CPSF2: variants seen among roughly 807,000 people sequenced by gnomAD.
CPSF2 encodes cleavage and polyadenylation specificity factor subunit 2.
A neutral mutation model predicts 84.2 loss-of-function variants in CPSF2; 51 were observed. That is an observed-to-expected ratio of 0.61 (90% CI 0.48 to 0.77). The LOEUF (loss-of-function observed/expected upper bound fraction) is 0.77. Ranked by LOEUF, CPSF2 falls within the 30% of genes least tolerant of loss-of-function variation. The pLI is 0.00. For synonymous variants in CPSF2, 286 were observed against 311.9 expected, an observed-to-expected ratio of 0.92 and a Z score of 0.87; for missense variants, 641 against 929.4, an observed-to-expected ratio of 0.69 and a Z score of 4.03.
chr14:92,135,888 G>C (rs926945737), intron 6 of CPSF2, among the ~76,000 whole-genome samples: 1 of 152,146 alleles, frequency 6.6e-6, no homozygotes, highest in Admixed American at 6.6e-5. Flanking sequence ...TCATCTTATA[G>C]CTCCCATAAT....
At position 92,164,291 on chromosome 14, in the gene CPSF2, A is replaced by G. The variant is rs2069415692; in HGVS notation, c.*2547A>G. On this transcript the variant is annotated 3_prime_UTR_variant, in exon 16 of 16. Coordinates refer to ENST00000298875, the MANE Select transcript of CPSF2 (RefSeq NM_017437.3). ...ATTGTTTCTTGCCTCACCTTGTCCTATGAACAGGAATTAAATTTTAAAGTA... is the reference window on the plus strand; with the variant it reads ...ATTGTTTCTTGCCTCACCTTGTCCTGTGAACAGGAATTAAATTTTAAAGTA... 1 of 152,236 alleles carries G rather than the reference A, an allele frequency of 6.6e-6. No individual in the cohort carries two copies. The highest frequency in any genetic ancestry group is 1.5e-5 in the Non-Finnish European group (1 of 68,040). The allele number at this position is 152,236 out of a possible 1,614,324, so 9.4% of individuals were successfully genotyped here.
At chr14:92,142,432 G>T in intron 8 of CPSF2, 81 bp downstream of exon 8, 1 of 1,106,488 alleles carries the variant, frequency 9.0e-7, no homozygotes, top group Non-Finnish European at 1.3e-6. Context: ...ATGTTTTTTG[G>T]ATTTTATTTT....
intron 7 of CPSF2, among the ~76,000 whole-genome samples, chr14:92,139,637 G>C (rs1298971077): frequency 6.8e-6 from 1 of 147,194 alleles, no homozygotes; most frequent in African/African-American, 2.5e-5. Context: ...TTCCCGGGTT[G>C]AAGTGATTCT....
rs1468544825 is a variant in CPSF2, at chr14:92,165,139, T to G, written c.*3395T>G. 6.6e-6 allele frequency: 1 copy of G among 152,242 alleles called. No individual in the cohort carries two copies. The highest frequency in any genetic ancestry group is 2.4e-5 in the African/African-American group (1 of 41,462). 9.4% of individuals were successfully genotyped at this position (152,242 alleles called of 1,614,324 possible). On this transcript the variant is annotated 3_prime_UTR_variant, in exon 16 of 16. Transcript: ENST00000298875. ...TGTGACTGAATATTATTCCACCGAA[T>G]GGATATACCACATTTTACTTATCCA...
intron 9 of CPSF2, among the ~76,000 whole-genome samples, chr14:92,151,507 A>C (rs1007970704): frequency 6.6e-6 from 1 of 152,184 alleles, no homozygotes; most frequent in Non-Finnish European, 1.5e-5. Context: ...CTGCGTTAAA[A>C]CTAACCTTGA....
rs1245712532 is a variant in CPSF2, at chr14:92,154,403, T to G, written c.1186T>G (p.Leu396Val). ...TGAAGGGAAAGAACTTGAAGAATAC[T>G]TGGAAAAAGAGAAACTAAAGAAAGA... ...KLEGKELEEYLEKEKLKKEAA... is the reference protein window; with the variant it reads ...KLEGKELEEYVEKEKLKKEAA... The change falls in exon 10 of 16, where the codon TTG (leucine) becomes GTG (valine). Residue 396 changes from leucine (L) to valine (V), a missense_variant. This residue lies in a region of CPSF2 where 430 missense variants were observed against 553.6 expected (regional missense o/e 0.78). Coordinates refer to ENST00000298875, the MANE Select transcript of CPSF2 (RefSeq NM_017437.3). The G allele has an allele frequency of 2.3e-5, 37 of 1,610,386 alleles. 1 individual carries two copies. The Admixed American group carries it at 6.1e-4, about 26-fold the overall frequency.
rs1270330787 is a variant in CPSF2, at chr14:92,135,683, AAG to A, written c.545+191_545+192del. 2.0e-5 allele frequency among the ~76,000 whole-genome samples: 3 copies of A among 152,248 alleles called. No homozygotes were observed. In the East Asian group the frequency reaches 5.8e-4, roughly 29 times the overall value. On this transcript the variant is annotated intron_variant, in intron 6 of 15. Coordinates refer to ENST00000298875, the MANE Select transcript of CPSF2 (RefSeq NM_017437.3). ...AGGGGGAAAGTATGGTATAAGACAT[AAG>A]AGATTTTAAAAATTTATAGGTTAAG...
In CPSF2 at chr14:92,135,437, A is replaced by T. The variant is rs202153810; in HGVS notation, c.486A>T (p.Ile162=). 1.9e-6 allele frequency: 3 copies of T among 1,613,752 alleles called. No homozygotes were observed. The highest frequency in any genetic ancestry group is 2.5e-6 in the Non-Finnish European group (3 of 1,179,770). ...GHMIGGTIWK[I]VKDGEEEIVY... ...TGATAGGTGGAACAATATGGAAAAT[A>T]GTCAAAGATGGAGAAGAAGAAATTG... The change falls in exon 6 of 16, where the codon ATA becomes ATT. Residue 162 remains isoleucine, a synonymous_variant. Coordinates refer to ENST00000298875, the MANE Select transcript of CPSF2 (RefSeq NM_017437.3).
intron 10 of CPSF2, among the ~76,000 whole-genome samples, 182 bp downstream of exon 10, chr14:92,154,640 G>C (rs137936078): frequency 4.6e-5 from 7 of 152,194 alleles, no homozygotes; most frequent in African/African-American, 1.7e-4. Context: ...GCATTTATTT[G>C]TTATGTTTTA....
intron 9 of CPSF2, among the ~76,000 whole-genome samples, chr14:92,150,290 T>C (rs2069197357): frequency 6.6e-6 from 1 of 152,008 alleles, no homozygotes; most frequent in South Asian, 2.1e-4. Context: ...AATTTTTTTT[T>C]TTCATATTTT....
At chr14:92,146,990 AC>A (rs75076668) in intron 9 of CPSF2, among the ~76,000 whole-genome samples, 1,976 of 152,242 alleles carry the variant, frequency 0.013, 69 homozygotes, top group East Asian at 0.13. Flanking sequence ...GATTTAAAAT[AC>A]CTGCCTGGTT....
At position 92,134,371 on chromosome 14, in the gene CPSF2, A is replaced by G. The variant is rs1210905021; in HGVS notation, c.415+16A>G. 2 of 1,530,314 alleles carry G rather than the reference A, an allele frequency of 1.3e-6. No individual in the cohort carries two copies. Among genetic ancestry groups the G allele is most frequent in the Admixed American group, 3.4e-5 (2 of 58,550 alleles). The allele number at this position is 1,530,314 out of a possible 1,614,324, so 94.8% of individuals were successfully genotyped here. ...AATTTGAAAGGTAAAAAGAATTTCCAGTAGTAAGTATTTAGATGAATGGGG... is the reference window on the plus strand; with the variant it reads ...AATTTGAAAGGTAAAAAGAATTTCCGGTAGTAAGTATTTAGATGAATGGGG... On this transcript the variant is annotated intron_variant, in intron 5 of 15. Transcript: ENST00000298875.
chr14:92,128,405 C>T (rs1325955399), intron 2 of CPSF2, among the ~76,000 whole-genome samples: 1 of 152,160 alleles, frequency 6.6e-6, no homozygotes, highest in African/African-American at 2.4e-5. Context: ...ATCACTTGAA[C>T]CCGGGAGATG....
chr14:92,122,306 T>C (rs958890602), intron 1 of CPSF2, 178 bp downstream of exon 1: 2 of 215,208 alleles, frequency 9.3e-6, no homozygotes, highest in African/African-American at 2.3e-5. Flanking sequence ...GAAAGAGAAG[T>C]GACTTCTCCA....
At chr14:92,154,323 A>G (rs2069261110) in intron 9 of CPSF2, 35 bp from the exon 10 acceptor site, 1 of 1,492,432 alleles carries the variant, frequency 6.7e-7, no homozygotes, top group East Asian at 2.3e-5. Flanking sequence ...ATATTAACAT[A>G]TTAACATTTC....
intron 2 of CPSF2, 33 bp from the exon 3 acceptor site, chr14:92,130,918 T>C: frequency 1.5e-6 from 2 of 1,358,938 alleles, no homozygotes; most frequent in Non-Finnish European, 2.1e-6. Flanking sequence ...ACTGTGCTTT[T>C]ATGTTTAATT....
chr14:92,162,723 G>T lies in CPSF2; in HGVS notation c.*979G>T, dbSNP rs190378180. On this transcript the variant is annotated 3_prime_UTR_variant, in exon 16 of 16. Transcript: ENST00000298875. ...ATAAGGTTATCCTTTCTGTATTTGC[G>T]TCTTTCTTGTGACTAACCACCCTGA... The T allele has an allele frequency of 6.6e-6, 1 of 152,134 alleles. No homozygotes were observed. Among genetic ancestry groups the T allele is most frequent in the Non-Finnish European group, 1.5e-5 (1 of 68,032 alleles). 9.4% of individuals were successfully genotyped at this position (152,134 alleles called of 1,614,324 possible).
intron 8 of CPSF2, 127 bp downstream of exon 8, chr14:92,142,478 G>C (rs2069091057): frequency 1.5e-6 from 1 of 689,210 alleles, no homozygotes; most frequent in Non-Finnish European, 2.4e-6. Context: ...TGATAACTTG[G>C]CATTAACCAT....
intron 13 of CPSF2, among the ~76,000 whole-genome samples, chr14:92,158,405 G>A (rs1476467143): frequency 3.3e-5 from 5 of 152,206 alleles, no homozygotes; most frequent in Admixed American, 3.3e-4. Context: ...ATGGGAGATG[G>A]TGTCAGTTTA....
Sources: gnomAD v4.1 joint callset for allele counts (sites outside exome capture counted in the v4.1 genomes callset) on GRCh38, gnomAD v4.1.1 for gene constraint, gnomAD v4.1.1 regional missense constraint, MANE v1.5 for transcripts, NCBI Gene and HGNC (gene_info 2026-07-23, HGNC 2026-07-21) for gene names.